ATXN10: variants seen among roughly 807,000 people sequenced by gnomAD.
ATXN10 encodes ataxin 10, also known as ataxin-10.
ATXN10 carries 28 observed loss-of-function variants against 52.9 expected under a neutral mutation model. The observed-to-expected ratio is 0.53, with a 90% CI of 0.39 to 0.73. ATXN10 has a LOEUF of 0.73. Ranked by LOEUF, ATXN10 falls within the 30% of genes least tolerant of loss-of-function variation. ATXN10 has a pLI of 0.00. For synonymous variants in ATXN10, 226 were observed against 221.5 expected (o/e 1.02, Z -0.18); for missense variants, 565 against 577.0 (o/e 0.98, Z 0.21).
In ATXN10 at chr22:45,701,132, T is replaced by TG. The variant is rs1403054026; in HGVS notation, c.488+756dup. ...GTGCCAATGAATGGGGTGACTTTGA[T>TG]GGTTGCAACAGTATAAGCAGCACAG... On this transcript the variant is annotated intron_variant, in intron 4 of 11. Coordinates refer to ENST00000252934, the MANE Select transcript of ATXN10 (RefSeq NM_013236.4). This position sits in a 1 kb window ranked among gnomAD's most constrained non-coding sequence, Gnocchi z 4.2. Among the ~76,000 whole-genome samples the TG allele has an allele frequency of 2.6e-5, 4 of 152,178 alleles. No homozygotes were observed. The highest frequency in any genetic ancestry group is 9.7e-5 in the African/African-American group (4 of 41,442).
At chr22:45,761,317 C>G (rs1009464493) in intron 9 of ATXN10, among the ~76,000 whole-genome samples, 5 of 152,178 alleles carry the variant, frequency 3.3e-5, no homozygotes, top group African/African-American at 1.2e-4. Context: ...TAAAACACTA[C>G]AAGCCTAGCA....
intron 1 of ATXN10, among the ~76,000 whole-genome samples, chr22:45,687,582 C>A (rs1361108605): frequency 2.0e-5 from 3 of 152,192 alleles, no homozygotes; most frequent in African/African-American, 7.2e-5. Context: ...TTGACTATAG[C>A]ATTAAATAAT....
Position 45,766,207 on chromosome 22 carries a change from G to T in ATXN10, c.1173+25669G>T, listed in dbSNP as rs925803371. ...TCAGGGGTTCCCCAATCCCTGGTCC[G>T]TGGACTGGTACTGGTCCATGGCCTG... On this transcript the variant is annotated intron_variant, in intron 9 of 11. Transcript: ENST00000252934. The surrounding 1 kb of genome is among the most constrained non-coding windows in gnomAD (Gnocchi z 4.6). Among the ~76,000 whole-genome samples the T allele has an allele frequency of 2.6e-5, 4 of 152,168 alleles. No individual in the cohort carries two copies. Among genetic ancestry groups the T allele is most frequent in the African/African-American group, 9.7e-5 (4 of 41,430 alleles).
Position 45,814,409 on chromosome 22 carries a change from CACA to C in ATXN10, c.1237+7392_1237+7394del, listed in dbSNP as rs1193000176. On this transcript the variant is annotated intron_variant, in intron 10 of 11. Coordinates refer to ENST00000252934, the MANE Select transcript of ATXN10 (RefSeq NM_013236.4). ...TCATCAGGGAAATGCAAATTTAATC[CACA>C]ACAAGTAACCACTAGACCCCACCAG... is the stretch of plus-strand genomic sequence containing the variant. Among the ~76,000 whole-genome samples the C allele has an allele frequency of 2.6e-5, 4 of 152,136 alleles. No homozygotes were observed. In the East Asian group the frequency reaches 5.8e-4, roughly 22 times the overall value.
intron 7 of ATXN10, 159 bp from the exon 8 acceptor site, chr22:45,738,572 T>C: frequency 1.6e-6 from 1 of 633,622 alleles, no homozygotes; most frequent in East Asian, 2.8e-5. Flanking sequence ...TATTTCATAC[T>C]TCTGTTTTGT....
chr22:45,726,650 T>C (rs963495099), intron 6 of ATXN10, among the ~76,000 whole-genome samples: 2 of 152,230 alleles, frequency 1.3e-5, no homozygotes, highest in African/African-American at 2.4e-5. Flanking sequence ...TTAGTTCTGC[T>C]CTGATCTTTG....
rs1031734055 is a variant in ATXN10, at chr22:45,681,389, C to T, written c.117-8323C>T. Reference sequence around the variant, plus strand: ...TCCCTGTTTTATCTTCTCTTTAGGGCCCTTGCTTCATCAAGTCTTTAACCT... The same window carrying T: ...TCCCTGTTTTATCTTCTCTTTAGGGTCCTTGCTTCATCAAGTCTTTAACCT... On this transcript the variant is annotated intron_variant, in intron 1 of 11. Coordinates refer to ENST00000252934, the MANE Select transcript of ATXN10 (RefSeq NM_013236.4). This position sits in a 1 kb window ranked among gnomAD's most constrained non-coding sequence, Gnocchi z 4.2. Among the ~76,000 whole-genome samples, 1 of 152,146 alleles carries T rather than the reference C, an allele frequency of 6.6e-6. No homozygotes were observed. Among genetic ancestry groups the T allele is most frequent in the African/African-American group, 2.4e-5 (1 of 41,434 alleles).
intron 9 of ATXN10, chr22:45,793,436 A>G (rs1212377985): frequency 6.8e-5 from 36 of 529,270 alleles, no homozygotes; most frequent in Non-Finnish European, 9.5e-5. Context: ...TAAGGGTAAC[A>G]ATGGTAGCAG....
chr22:45,806,980 C>G lies in ATXN10; in HGVS notation c.1195C>G (p.Pro399Ala). 3 of 1,613,836 alleles carry G rather than the reference C, an allele frequency of 1.9e-6. No individual in the cohort carries two copies. The highest frequency in any genetic ancestry group is 2.5e-6 in the Non-Finnish European group (3 of 1,179,806). The change falls in exon 10 of 12, where the codon CCG becomes GCG. Residue 399 changes from proline (P) to alanine (A), a missense_variant. By Grantham distance (27) the Pro-to-Ala change is conservative. Coordinates refer to ENST00000252934, the MANE Select transcript of ATXN10 (RefSeq NM_013236.4). ...CTAGGTAAATGAGCTGGATGGTATC[C>G]CGTTGATCCTGGACAACTGCAACAT... is the stretch of plus-strand genomic sequence containing the variant. Reference protein sequence around the residue: ...QDKVNELDGIPLILDNCNISD... With the variant: ...QDKVNELDGIALILDNCNISD...
intron 6 of ATXN10, among the ~76,000 whole-genome samples, chr22:45,722,600 C>T (rs2146780121): frequency 6.6e-6 from 1 of 152,266 alleles, no homozygotes; most frequent in African/African-American, 2.4e-5. Context: ...TCTGCTGGGC[C>T]AGGGAGAAGT....
Position 45,718,507 on chromosome 22 carries a change from C to T in ATXN10, c.728+14C>T. 6.2e-7 allele frequency: 1 copy of T among 1,609,462 alleles called. No individual in the cohort carries two copies. The highest frequency in any genetic ancestry group is 8.5e-7 in the Non-Finnish European group (1 of 1,175,878). The stretch of plus-strand genomic sequence containing the variant: ...CAATCAAGAAAGGTAACCCCCCAAC[C>T]AGCGTGGTCTGGAGTATTTAGCATT... On this transcript the variant is annotated intron_variant, in intron 6 of 11. Transcript: ENST00000252934. The surrounding 1 kb of genome is among the most constrained non-coding windows in gnomAD (Gnocchi z 4.4).
chr22:45,797,375 A>G (rs1927780178), intron 9 of ATXN10, among the ~76,000 whole-genome samples: 1 of 152,250 alleles, frequency 6.6e-6, no homozygotes, highest in Non-Finnish European at 1.5e-5. Context: ...TTCTGTCTCT[A>G]CAGCAGAATT....
At chr22:45,778,080 A>G (rs1179772021) in intron 9 of ATXN10, among the ~76,000 whole-genome samples, 1 of 152,220 alleles carries the variant, frequency 6.6e-6, no homozygotes, top group Admixed American at 6.5e-5. Flanking sequence ...TGGAGACCGT[A>G]TGGTTTGCAG....
intron 6 of ATXN10, among the ~76,000 whole-genome samples, chr22:45,719,146 C>T (rs1392190650): frequency 6.6e-6 from 1 of 151,820 alleles, no homozygotes; most frequent in Non-Finnish European, 1.5e-5. Flanking sequence ...ATTTGCAGTA[C>T]ACTTCATTTC....
In ATXN10 at chr22:45,757,485, T is replaced by C. The variant is rs1926218097; in HGVS notation, c.1173+16947T>C. 2.0e-5 allele frequency among the ~76,000 whole-genome samples: 3 copies of C among 152,130 alleles called. No homozygotes were observed. In the South Asian group the frequency reaches 6.2e-4, roughly 32 times the overall value. The stretch of plus-strand genomic sequence containing the variant: ...CTCCCCGTTCAAGGCCTCTGGAGAA[T>C]GTTCCAAAGGGAGGTGTGGATGTTT... On this transcript the variant is annotated intron_variant, in intron 9 of 11. Transcript: ENST00000252934. This position sits in a 1 kb window ranked among gnomAD's most constrained non-coding sequence, Gnocchi z 4.6.
chr22:45,683,335 A>G lies in ATXN10; in HGVS notation c.117-6377A>G, dbSNP rs5764824. ...CTCTGTCTCAAAAACAAAACGAAAA[A>G]AAGAACCTTCCATGGCTTCACATCA... On this transcript the variant is annotated intron_variant, in intron 1 of 11. Transcript: ENST00000252934. This position sits in a 1 kb window ranked among gnomAD's most constrained non-coding sequence, Gnocchi z 4.8. 0.6 allele frequency among the ~76,000 whole-genome samples: 90,933 copies of G among 152,004 alleles called. 28,524 individuals are homozygous for G. Among genetic ancestry groups the G allele is most frequent in the South Asian group, 0.73 (3,511 of 4,826 alleles).
chr22:45,793,764 A>C (rs544420442), intron 9 of ATXN10: 2 of 1,406,856 alleles, frequency 1.4e-6, no homozygotes, highest in African/African-American at 2.9e-5. Flanking sequence ...GCCTTTCCCC[A>C]GTGATGCAGG....
In ATXN10 at chr22:45,789,555, C is replaced by T. The variant is rs946264554; in HGVS notation, c.1174-17404C>T. ...ACTCAAAGAGGGATTCAATTGTCAC[C>T]GCCCTGGGAAGGCGCCAGTGAAGGG... On this transcript the variant is annotated intron_variant, in intron 9 of 11. Transcript: ENST00000252934. This position sits in a 1 kb window ranked among gnomAD's most constrained non-coding sequence, Gnocchi z 4.0. Among the ~76,000 whole-genome samples the T allele has an allele frequency of 2.0e-5, 3 of 152,118 alleles. No individual in the cohort carries two copies. The highest frequency in any genetic ancestry group is 4.8e-5 in the African/African-American group (2 of 41,428).
At chr22:45,689,576 G>A in intron 1 of ATXN10, 136 bp from the exon 2 acceptor site, 2 of 669,840 alleles carry the variant, frequency 3.0e-6, no homozygotes, top group South Asian at 1.8e-5. Flanking sequence ...TTTATTTGGT[G>A]TTGTAAATTA....
Sources: allele counts gnomAD v4.1 joint callset (sites outside exome capture counted in the v4.1 genomes callset), GRCh38; gene constraint gnomAD v4.1.1; non-coding constraint Gnocchi (gnomAD v3.1); transcripts MANE v1.5; gene names NCBI Gene and HGNC (gene_info 2026-07-23, HGNC 2026-07-21).